MAF: variants seen among roughly 807,000 people sequenced by gnomAD.
MAF encodes the protein transcription factor Maf.
Under a neutral mutation model 22.0 loss-of-function variants are expected in MAF, and 10 were observed. The observed-to-expected ratio is 0.45, with a 90% CI of 0.28 to 0.77. The LOEUF (loss-of-function observed/expected upper bound fraction) is 0.77, where lower values mean the gene tolerates loss of function less well. Ranked by LOEUF, MAF falls within the 30% of genes least tolerant of loss-of-function variation. The probability of loss-of-function intolerance (pLI) is 0.12; values close to 1 mark genes in which losing one functional copy is unlikely to be tolerated. For missense variants in MAF, 544 were observed against 548.4 expected (o/e 0.99, Z 0.08); for synonymous variants, 337 against 255.8 (o/e 1.32, Z -3.03).
the MAF span, among the ~76,000 whole-genome samples, chr16:79,439,699 A>G: frequency 6.6e-6 from 1 of 152,332 alleles, no homozygotes; most frequent in East Asian, 1.9e-4. Flanking sequence ...ACTCAGAAAG[A>G]GGTCCATGTT....
At chr16:79,588,727 G>C (rs1913010943) in intron 1 of MAF, among the ~76,000 whole-genome samples, 2 of 152,030 alleles carry the variant, frequency 1.3e-5, no homozygotes, top group South Asian at 4.2e-4. Context: ...CTCCCACAGT[G>C]CTGGGATTAC....
the MAF span, among the ~76,000 whole-genome samples, chr16:79,243,197 G>C: frequency 3.3e-5 from 5 of 151,872 alleles, no homozygotes; most frequent in South Asian, 2.1e-4. Flanking sequence ...AAATAACTAA[G>C]ATGGGAGCAG....
chr16:79,477,026 G>A, the MAF span, among the ~76,000 whole-genome samples: 1 of 152,142 alleles, frequency 6.6e-6, no homozygotes, highest in African/African-American at 2.4e-5. Context: ...TCCCACCTCA[G>A]GGACATCAGG....
the MAF span, among the ~76,000 whole-genome samples, chr16:79,447,090 G>A: frequency 6.6e-6 from 1 of 152,108 alleles, no homozygotes; most frequent in African/African-American, 2.4e-5. Context: ...TTATTTCATG[G>A]AGACATACAA....
the MAF span, among the ~76,000 whole-genome samples, chr16:79,385,494 C>T: frequency 2.0e-5 from 3 of 152,300 alleles, no homozygotes; most frequent in Non-Finnish European, 2.9e-5. Flanking sequence ...ATAAAAAAGT[C>T]GAAACCTTCC....
the MAF span, among the ~76,000 whole-genome samples, chr16:79,308,180 C>T: frequency 6.6e-6 from 1 of 152,236 alleles, no homozygotes; most frequent in African/African-American, 2.4e-5. Flanking sequence ...ATACGGATCA[C>T]TGCAGCTGAA....
At chr16:79,310,179 T>C in the MAF span, among the ~76,000 whole-genome samples, 1 of 152,178 alleles carries the variant, frequency 6.6e-6, no homozygotes, top group Non-Finnish European at 1.5e-5. Context: ...TCAGCCACCC[T>C]TTTGTGCATG....
chr16:79,408,528 G>C, the MAF span, among the ~76,000 whole-genome samples: 2,333 of 152,188 alleles, frequency 0.015, 53 homozygotes, highest in African/African-American at 0.052. Flanking sequence ...AGTTGCTTAA[G>C]TTCGCTGCAC....
chr16:79,568,330 G>C, the MAF span, among the ~76,000 whole-genome samples: 1 of 152,166 alleles, frequency 6.6e-6, no homozygotes, highest in Non-Finnish European at 1.5e-5. Context: ...TGACCCACAG[G>C]CTTATTAAGA....
At chr16:79,598,455 T>TCAA in intron 1 of MAF, 1 of 1,086,880 alleles carries the variant, frequency 9.2e-7, no homozygotes, top group African/African-American at 2.2e-5. Flanking sequence ...CGGGGGGGTG[T>TCAA]AAAAAAAAAA....
At chr16:79,486,731 C>A in the MAF span, among the ~76,000 whole-genome samples, 3 of 152,176 alleles carry the variant, frequency 2.0e-5, no homozygotes, top group African/African-American at 7.2e-5. Flanking sequence ...TTCATTTGAC[C>A]ACTAGCTTTC....
chr16:79,335,919 C>T, the MAF span, among the ~76,000 whole-genome samples: 5 of 152,186 alleles, frequency 3.3e-5, no homozygotes, highest in African/African-American at 9.7e-5. Flanking sequence ...ACCAGGACTC[C>T]TGCACTGAGC....
chr16:79,499,996 T>C, the MAF span, among the ~76,000 whole-genome samples: 1 of 152,084 alleles, frequency 6.6e-6, no homozygotes, highest in South Asian at 2.1e-4. Flanking sequence ...GGCAGACACA[T>C]AGAGAGGTTA....
the MAF span, among the ~76,000 whole-genome samples, chr16:79,555,387 T>G: frequency 6.6e-6 from 1 of 152,202 alleles, no homozygotes; most frequent in Admixed American, 6.5e-5. Context: ...TGATCCCTTC[T>G]CACCTCTGAG....
At chr16:79,259,534 C>T in the MAF span, among the ~76,000 whole-genome samples, 1 of 152,190 alleles carries the variant, frequency 6.6e-6, no homozygotes, top group Non-Finnish European at 1.5e-5. Flanking sequence ...CCACACACAT[C>T]TCCCCAGTGC....
the MAF span, among the ~76,000 whole-genome samples, chr16:79,504,560 T>G: frequency 0.04 from 6,069 of 152,224 alleles, 389 homozygotes; most frequent in African/African-American, 0.13. Context: ...AATTCTTACT[T>G]GAATGGATGG....
the MAF span, among the ~76,000 whole-genome samples, chr16:79,566,854 G>C: frequency 1.3e-5 from 2 of 152,172 alleles, no homozygotes; most frequent in Non-Finnish European, 2.9e-5. Flanking sequence ...AATCCTCTTT[G>C]GCTGCTGAAG....
At chr16:79,413,110 C>A in the MAF span, among the ~76,000 whole-genome samples, 1 of 151,800 alleles carries the variant, frequency 6.6e-6, no homozygotes, top group African/African-American at 2.4e-5. Context: ...CTCATACATA[C>A]TCCCCAGGAC....
the MAF span, among the ~76,000 whole-genome samples, chr16:79,404,519 G>C: frequency 1.3e-5 from 2 of 152,206 alleles, no homozygotes; most frequent in African/African-American, 2.4e-5. Flanking sequence ...ACATCGAGGA[G>C]AGACTGATTC....
Sources: allele counts gnomAD v4.1 joint callset (sites outside exome capture counted in the v4.1 genomes callset), GRCh38; gene constraint gnomAD v4.1.1; transcripts MANE v1.5; gene names NCBI Gene and HGNC (gene_info 2026-07-23, HGNC 2026-07-21).